COMMD10: variants seen among roughly 807,000 people sequenced by gnomAD.
The protein encoded by COMMD10 is COMM domain containing 10.
Under a neutral mutation model 28.9 loss-of-function variants are expected in COMMD10, and 33 were observed. That is an observed-to-expected ratio of 1.14 (90% CI 0.87 to 1.53). The LOEUF is 1.53. Among genes scored for constraint, COMMD10 ranks in the 40% most tolerant of loss-of-function variants. COMMD10 has a pLI of 0.00. For missense variants in COMMD10, 310 were observed against 233.4 expected (o/e 1.33, Z -2.14); for synonymous variants, 110 against 81.7 (o/e 1.35, Z -1.87).
At chr5:116,212,117 GATAA>G (rs1748982061) in intron 5 of COMMD10, among the ~76,000 whole-genome samples, 1 of 152,068 alleles carries the variant, frequency 6.6e-6, no homozygotes, top group Admixed American at 6.6e-5. Flanking sequence ...AACACAACTT[GATAA>G]ATATTCTTTA....
At chr5:116,155,105 C>A (rs1200980067) in intron 5 of COMMD10, among the ~76,000 whole-genome samples, 1 of 152,120 alleles carries the variant, frequency 6.6e-6, no homozygotes, top group East Asian at 1.9e-4. Context: ...GAGACCTTGG[C>A]ATACATTGAC....
chr5:116,273,029 T>C (rs754419379), intron 5 of COMMD10, among the ~76,000 whole-genome samples: 1 of 151,866 alleles, frequency 6.6e-6, no homozygotes, highest in Non-Finnish European at 1.5e-5. Context: ...CAAGTCTTTA[T>C]AAAACATCAA....
At chr5:116,090,850 A>T (rs1210047125) in intron 2 of COMMD10, among the ~76,000 whole-genome samples, 2 of 152,234 alleles carry the variant, frequency 1.3e-5, no homozygotes, top group African/African-American at 4.8e-5. Context: ...GCTTGTAATT[A>T]TGACCTGCGT....
At chr5:116,248,756 A>C (rs1026974136) in intron 5 of COMMD10, among the ~76,000 whole-genome samples, 1 of 152,000 alleles carries the variant, frequency 6.6e-6, no homozygotes, top group Non-Finnish European at 1.5e-5. Flanking sequence ...ACTAAAATAA[A>C]AACAAAATGT....
chr5:116,157,264 G>T (rs1021562923), intron 5 of COMMD10, among the ~76,000 whole-genome samples: 2 of 151,946 alleles, frequency 1.3e-5, no homozygotes, highest in African/African-American at 4.8e-5. Flanking sequence ...CTTACCTTTG[G>T]TAACATCAGT....
chr5:116,156,981 A>G (rs928353990), intron 5 of COMMD10, among the ~76,000 whole-genome samples: 7 of 152,050 alleles, frequency 4.6e-5, no homozygotes, highest in African/African-American at 1.7e-4. Context: ...CAACCAGTTG[A>G]TTTTCAGTTT....
At chr5:116,228,974 C>T (rs1448322482) in intron 5 of COMMD10, among the ~76,000 whole-genome samples, 1 of 151,820 alleles carries the variant, frequency 6.6e-6, no homozygotes, top group African/African-American at 2.4e-5. Context: ...ATTATTTTAT[C>T]TTCTTGTAAA....
intron 1 of COMMD10, chr5:116,085,319 C>T (rs1750056594): frequency 1.8e-6 from 1 of 561,670 alleles, no homozygotes; most frequent in South Asian, 2.2e-5. Flanking sequence ...CACAGTGCGC[C>T]TGGCAGCTGA....
At chr5:116,212,868 TG>T (rs1047637586) in intron 5 of COMMD10, among the ~76,000 whole-genome samples, 1 of 152,106 alleles carries the variant, frequency 6.6e-6, no homozygotes, top group Non-Finnish European at 1.5e-5. Context: ...TTACTTGTTC[TG>T]GGGTATCCAT....
intron 5 of COMMD10, among the ~76,000 whole-genome samples, chr5:116,181,538 A>G (rs956210087): frequency 3.3e-4 from 50 of 151,494 alleles, no homozygotes; most frequent in African/African-American, 1.2e-3. Context: ...AGTATGAAAC[A>G]TGGTTAATCA....
At chr5:116,154,053 T>G (rs1380452507) in intron 5 of COMMD10, among the ~76,000 whole-genome samples, 2 of 152,110 alleles carry the variant, frequency 1.3e-5, no homozygotes, top group African/African-American at 2.4e-5. Flanking sequence ...AGATACTGAT[T>G]GACTTCATAT....
intron 5 of COMMD10, among the ~76,000 whole-genome samples, chr5:116,217,845 C>T (rs867425932): frequency 1.3e-5 from 2 of 151,938 alleles, no homozygotes; most frequent in South Asian, 4.2e-4. Context: ...TCGAAGACAC[C>T]CTATTAGTGA....
intron 5 of COMMD10, among the ~76,000 whole-genome samples, chr5:116,290,851 G>C (rs1751342131): frequency 6.6e-6 from 1 of 152,092 alleles, no homozygotes; most frequent in South Asian, 2.1e-4. Context: ...GAGTTGAGTT[G>C]GGTTTAGTTT....
At chr5:116,166,888 G>C (rs546247511) in intron 5 of COMMD10, among the ~76,000 whole-genome samples, 1 of 152,078 alleles carries the variant, frequency 6.6e-6, no homozygotes, top group South Asian at 2.1e-4. Context: ...TGAAGATGAG[G>C]AAAAAAACCA....
At position 116,254,200 on chromosome 5, in the gene COMMD10, C is replaced by A. The variant is rs953165398; in HGVS notation, c.511-37317C>A. On this transcript the variant is annotated intron_variant, in intron 5 of 6. Transcript: ENST00000274458. Reference sequence around the variant, plus strand: ...GATTCTTCTCTCTTTTTTTCTTTATCATTCTTGCTAGCGGTCTATCAATTT... The same window carrying A: ...GATTCTTCTCTCTTTTTTTCTTTATAATTCTTGCTAGCGGTCTATCAATTT... Among the ~76,000 whole-genome samples the A allele has an allele frequency of 8.6e-4, 131 of 151,732 alleles. 1 individual carries two copies. The highest frequency in any genetic ancestry group is 1.4e-3 in the Non-Finnish European group (95 of 67,820).
At chr5:116,191,873 C>T (rs1748380101) in intron 5 of COMMD10, among the ~76,000 whole-genome samples, 3 of 152,062 alleles carry the variant, frequency 2.0e-5, no homozygotes, top group South Asian at 4.1e-4. Flanking sequence ...AAGCTAAGAA[C>T]CCTCATGGAG....
intron 1 of COMMD10, chr5:116,085,333 C>G (rs763843759): frequency 7.2e-6 from 4 of 554,486 alleles, no homozygotes; most frequent in Non-Finnish European, 1.3e-5. Context: ...CAGCTGAGGT[C>G]TGTACGGAAG....
chr5:116,216,586 C>G (rs912176970), intron 5 of COMMD10, among the ~76,000 whole-genome samples: 2 of 152,162 alleles, frequency 1.3e-5, no homozygotes, highest in South Asian at 2.1e-4. Context: ...GGCTGGAGTT[C>G]AGTGGCGCGA....
chr5:116,275,579 C>T (rs1278311381), intron 5 of COMMD10, among the ~76,000 whole-genome samples: 1 of 151,640 alleles, frequency 6.6e-6, no homozygotes, highest in Non-Finnish European at 1.5e-5. Context: ...TTGCTGTAAC[C>T]CCAACACCCT....
Sources: gnomAD v4.1 joint callset for allele counts (sites outside exome capture counted in the v4.1 genomes callset) on GRCh38, gnomAD v4.1.1 for gene constraint, MANE v1.5 for transcripts, NCBI Gene and HGNC (gene_info 2026-07-23, HGNC 2026-07-21) for gene names.